Variants in FBXL17 observed in about 807,000 individuals in gnomAD.
FBXL17 encodes F-box and leucine rich repeat protein 17, also known as F-box/LRR-repeat protein 17.
In FBXL17, 22 loss-of-function variants were observed where a neutral mutation model predicts 66.2. The ratio of observed to expected loss-of-function variants is 0.33; its 90% CI spans 0.24 to 0.47. The LOEUF is 0.47. Among genes scored for constraint, FBXL17 ranks in the 20% least tolerant of loss-of-function variants. FBXL17 has a pLI of 1.00. For missense variants in FBXL17, 878 were observed against 948.2 expected, an observed-to-expected ratio of 0.93 and a Z score of 0.97; for synonymous variants, 474 against 400.5, an observed-to-expected ratio of 1.18 and a Z score of -2.19.
chr5:108,149,128 TAC>T (rs779468636), intron 6 of FBXL17, among the ~76,000 whole-genome samples: 5 of 152,196 alleles, frequency 3.3e-5, no homozygotes, highest in Admixed American at 2.6e-4. Context: ...TTGTGAAATG[TAC>T]ACAGTGTCTC....
chr5:108,175,727 T>C (rs1010505255), intron 6 of FBXL17, among the ~76,000 whole-genome samples: 1 of 152,200 alleles, frequency 6.6e-6, no homozygotes, highest in Non-Finnish European at 1.5e-5. Flanking sequence ...GCATGTCATG[T>C]CTGCCATTTT....
intron 6 of FBXL17, among the ~76,000 whole-genome samples, chr5:108,028,556 A>T (rs572873016): frequency 6.6e-6 from 1 of 152,260 alleles, no homozygotes; most frequent in Admixed American, 6.5e-5. Context: ...AGACAGCCAC[A>T]ACTCTGCTTT....
chr5:108,007,960 C>T (rs1369575909), intron 7 of FBXL17, among the ~76,000 whole-genome samples: 2 of 152,270 alleles, frequency 1.3e-5, no homozygotes, highest in Admixed American at 1.3e-4. Flanking sequence ...ACATGTGCGG[C>T]ACATATTCAT....
chr5:108,024,851 T>C (rs1300713801), intron 6 of FBXL17, among the ~76,000 whole-genome samples: 2 of 152,202 alleles, frequency 1.3e-5, no homozygotes, highest in Non-Finnish European at 2.9e-5. Flanking sequence ...TAGGATTTTT[T>C]TTCAAAGATG....
At chr5:108,171,634 A>G (rs1487324972) in intron 6 of FBXL17, among the ~76,000 whole-genome samples, 1 of 152,220 alleles carries the variant, frequency 6.6e-6, no homozygotes, top group Non-Finnish European at 1.5e-5. Context: ...AGTAGCTTTA[A>G]AAAAACAACT....
chr5:108,008,173 A>T (rs570997792), intron 7 of FBXL17, among the ~76,000 whole-genome samples: 1 of 152,336 alleles, frequency 6.6e-6, no homozygotes, highest in African/African-American at 2.4e-5. Flanking sequence ...ACCAGAAATC[A>T]TGTGCAAATA....
chr5:108,160,861 G>A (rs1250327751), intron 6 of FBXL17, among the ~76,000 whole-genome samples: 2 of 152,016 alleles, frequency 1.3e-5, no homozygotes, highest in Non-Finnish European at 1.5e-5. Flanking sequence ...TCTTGACAAG[G>A]GCCTTATTGG....
chr5:107,977,960 A>G (rs1752647415), intron 7 of FBXL17, among the ~76,000 whole-genome samples: 1 of 152,182 alleles, frequency 6.6e-6, no homozygotes, highest in African/African-American at 2.4e-5. Flanking sequence ...ATGCCTAAGA[A>G]GGGAACAGTG....
intron 4 of FBXL17, among the ~76,000 whole-genome samples, chr5:108,243,829 A>G (rs977655431): frequency 2.0e-5 from 3 of 152,228 alleles, no homozygotes; most frequent in Admixed American, 6.5e-5. Flanking sequence ...TAGAAAAACC[A>G]GAAATAGTAT....
chr5:107,880,698 G>C, intron 8 of FBXL17: 1 of 1,265,202 alleles, frequency 7.9e-7, no homozygotes, highest in Non-Finnish European at 9.9e-7. Context: ...CAATTTTACG[G>C]TTAGACCCTG....
chr5:108,122,034 T>C lies in FBXL17; in HGVS notation c.1745+64083A>G, dbSNP rs149325452. On this transcript the variant is annotated intron_variant, in intron 6 of 8. Coordinates refer to ENST00000542267, the MANE Select transcript of FBXL17 (RefSeq NM_001163315.3). ...AAACAGATGGAATCAAATTAATAAA[T>C]ATTAAAAACATCTTTGAAAGGCAAT... Among the ~76,000 whole-genome samples the C allele has an allele frequency of 8.8e-3, 1,340 of 152,244 alleles. 14 individuals carry two copies. Among genetic ancestry groups the C allele is most frequent in the Non-Finnish European group, 0.013 (864 of 68,002 alleles).
intron 6 of FBXL17, among the ~76,000 whole-genome samples, chr5:108,168,016 T>G (rs1311737268): frequency 6.6e-6 from 1 of 152,182 alleles, no homozygotes; most frequent in African/African-American, 2.4e-5. Flanking sequence ...AATGAGGAGA[T>G]GGGAGGCACC....
At chr5:108,359,316 T>C (rs1318402851) in intron 3 of FBXL17, among the ~76,000 whole-genome samples, 1 of 152,098 alleles carries the variant, frequency 6.6e-6, no homozygotes, top group Non-Finnish European at 1.5e-5. Context: ...TGTTTATCTC[T>C]GGTCTGGTTA....
At chr5:107,948,227 T>C (rs1167040333) in intron 7 of FBXL17, among the ~76,000 whole-genome samples, 1 of 152,218 alleles carries the variant, frequency 6.6e-6, no homozygotes, top group African/African-American at 2.4e-5. Context: ...ACATATATAA[T>C]CTATACATTT....
intron 4 of FBXL17, among the ~76,000 whole-genome samples, chr5:108,330,430 A>T (rs1271794270): frequency 6.6e-6 from 1 of 152,210 alleles, no homozygotes; most frequent in East Asian, 1.9e-4. Flanking sequence ...TTAAAACAAC[A>T]CTGAATAAAC....
intron 6 of FBXL17, among the ~76,000 whole-genome samples, chr5:108,029,839 T>A (rs1215195055): frequency 2.6e-5 from 4 of 151,948 alleles, no homozygotes; most frequent in Admixed American, 6.6e-5. Flanking sequence ...TTCAAGTAAA[T>A]GCTATAGGAT....
chr5:108,018,299 A>G (rs943865465), intron 7 of FBXL17, among the ~76,000 whole-genome samples: 4 of 152,168 alleles, frequency 2.6e-5, no homozygotes, highest in African/African-American at 9.7e-5. Flanking sequence ...TCAAAGAAGG[A>G]AAAGGGCATC....
At position 108,329,462 on chromosome 5, in the gene FBXL17, G is replaced by A. The variant is rs531488536; in HGVS notation, c.1506+18937C>T. ...ATACTTAACTGCAGGTTCTCGTAAG[G>A]GAGGACTCATAGGATACAGTGGACA... On this transcript the variant is annotated intron_variant, in intron 4 of 8. Transcript: ENST00000542267. Among the ~76,000 whole-genome samples the A allele has an allele frequency of 2.6e-5, 4 of 152,074 alleles. No homozygotes were observed. The South Asian group carries it at 8.3e-4, about 32-fold the overall frequency.
chr5:108,316,288 C>A (rs1192678360), intron 4 of FBXL17, among the ~76,000 whole-genome samples: 2 of 151,254 alleles, frequency 1.3e-5, no homozygotes, highest in Admixed American at 6.6e-5. Context: ...AAAAGATCAA[C>A]AATGGAAGAA....
Sources: gnomAD v4.1 joint callset for allele counts (sites outside exome capture counted in the v4.1 genomes callset) on GRCh38, gnomAD v4.1.1 for gene constraint, MANE v1.5 for transcripts, NCBI Gene and HGNC (gene_info 2026-07-23, HGNC 2026-07-21) for gene names.